Variants in GALNT16 observed in about 807,000 individuals in gnomAD.
The protein encoded by GALNT16 is polypeptide N-acetylgalactosaminyltransferase 16.
In GALNT16, 40 loss-of-function variants were observed where a neutral mutation model predicts 76.1. The observed-to-expected ratio is 0.53, with a 90% confidence interval of 0.41 to 0.68. The LOEUF (loss-of-function observed/expected upper bound fraction) is 0.68, where lower values mean the gene tolerates loss of function less well. GALNT16 is among the 30% of genes least tolerant of loss of function. The pLI is 0.00. For missense variants in GALNT16, 621 were observed against 731.9 expected (o/e 0.85, Z 1.75); for synonymous variants, 276 against 285.2 (o/e 0.97, Z 0.32).
chr14:69,304,287 CT>C (rs1486986465), intron 1 of GALNT16, among the ~76,000 whole-genome samples: 1 of 152,134 alleles, frequency 6.6e-6, no homozygotes, highest in Non-Finnish European at 1.5e-5. Flanking sequence ...TTTCTGCCCT[CT>C]TGACAGAGTT....
Position 69,333,435 on chromosome 14 carries a change from A to G in GALNT16, c.864-62A>G. On this transcript the variant is annotated intron_variant, in intron 8 of 14. Coordinates refer to ENST00000448469, the MANE Select transcript of GALNT16 (RefSeq NM_001168368.2). The surrounding 1 kb of genome is among the most constrained non-coding windows in gnomAD (Gnocchi z 4.2). ...GCAGACGGTCTTGGGTCCTGGGGCC[A>G]TCTAAAGGGCCTCCTTGCTTCTCCA... The G allele has an allele frequency of 9.7e-7, 1 of 1,027,306 alleles. No homozygotes were observed. The highest frequency in any genetic ancestry group is 1.3e-5 in the South Asian group (1 of 78,336). 63.6% of individuals were successfully genotyped at this position (1,027,306 alleles called of 1,614,324 possible).
At chr14:69,285,040 CTTTT>C (rs11401674) in intron 1 of GALNT16, among the ~76,000 whole-genome samples, 1 of 127,502 alleles carries the variant, frequency 7.8e-6, no homozygotes, top group Admixed American at 8.7e-5. Flanking sequence ...CTCGGGCACT[CTTTT>C]TTTTTTTTTT....
intron 1 of GALNT16, among the ~76,000 whole-genome samples, chr14:69,288,884 C>T (rs12434956): frequency 2.7e-5 from 4 of 149,358 alleles, no homozygotes; most frequent in Admixed American, 1.3e-4. Flanking sequence ...TAGAAGTCTT[C>T]TTTTTTTTTT....
chr14:69,337,438 T>C (rs1425696999), intron 9 of GALNT16, among the ~76,000 whole-genome samples: 1 of 152,222 alleles, frequency 6.6e-6, no homozygotes. Context: ...ATAATAACAA[T>C]AGTTAATAAT....
intron 9 of GALNT16, among the ~76,000 whole-genome samples, chr14:69,338,186 T>C (rs1211552404): frequency 6.6e-6 from 1 of 150,786 alleles, no homozygotes; most frequent in Non-Finnish European, 1.5e-5. Flanking sequence ...AAGAGGGAGG[T>C]TGGGGCCAGC....
intron 1 of GALNT16, among the ~76,000 whole-genome samples, chr14:69,272,096 C>T (rs1009881252): frequency 1.3e-5 from 2 of 152,142 alleles, no homozygotes; most frequent in African/African-American, 4.8e-5. Flanking sequence ...TGCTGTGGCT[C>T]GTGCCTGTAA....
chr14:69,313,749 T>C (rs189733527), intron 1 of GALNT16, among the ~76,000 whole-genome samples: 105 of 152,374 alleles, frequency 6.9e-4, no homozygotes, highest in Non-Finnish European at 1.2e-3. Flanking sequence ...CTCCCAGGCC[T>C]GTGGGACAGA....
intron 9 of GALNT16, among the ~76,000 whole-genome samples, chr14:69,334,301 C>T (rs548129628): frequency 2.0e-5 from 3 of 152,282 alleles, no homozygotes; most frequent in African/African-American, 4.8e-5. Context: ...TCTCAGCTCA[C>T]GGTGTTGGGG....
intron 1 of GALNT16, among the ~76,000 whole-genome samples, chr14:69,288,491 C>G (rs1413356006): frequency 6.6e-6 from 1 of 152,202 alleles, no homozygotes; most frequent in Non-Finnish European, 1.5e-5. Context: ...AGCGGCTCTC[C>G]CACCAGTAAC....
the GALNT16 span, among the ~76,000 whole-genome samples, chr14:69,379,431 CA>C: frequency 6.6e-6 from 1 of 151,626 alleles, no homozygotes; most frequent in South Asian, 2.1e-4. Context: ...CATAAAACAA[CA>C]AAAAAAATAG....
intron 12 of GALNT16, 57 bp from the exon 13 acceptor site, chr14:69,346,983 G>A (rs1594869609): frequency 3.7e-6 from 6 of 1,607,982 alleles, no homozygotes; most frequent in East Asian, 2.2e-5. Flanking sequence ...TCTGGCAGAG[G>A]GTGTAGGTAA....
chr14:69,381,494 C>T, the GALNT16 span, among the ~76,000 whole-genome samples: 1 of 151,632 alleles, frequency 6.6e-6, no homozygotes, highest in Non-Finnish European at 1.5e-5. Context: ...ACAGTAAGCT[C>T]CAAAATATCT....
chr14:69,261,426 C>T lies in GALNT16; in HGVS notation c.177+959C>T, dbSNP rs2044270518. 6.6e-6 allele frequency among the ~76,000 whole-genome samples: 1 copy of T among 152,084 alleles called. No homozygotes were observed. Among genetic ancestry groups the T allele is most frequent in the African/African-American group, 2.4e-5 (1 of 41,422 alleles). On this transcript the variant is annotated intron_variant, in intron 1 of 14. Coordinates refer to ENST00000448469, the MANE Select transcript of GALNT16 (RefSeq NM_001168368.2). This position sits in a 1 kb window ranked among gnomAD's most constrained non-coding sequence, Gnocchi z 6.4. ...GCTCGAGCGGGCGCATTCTTCCAGACGGGGGCGGTTGGTGGACGAGAGCCT... is the reference window on the plus strand; with the variant it reads ...GCTCGAGCGGGCGCATTCTTCCAGATGGGGGCGGTTGGTGGACGAGAGCCT...
chr14:69,265,027 T>C (rs756645734), intron 1 of GALNT16, among the ~76,000 whole-genome samples: 7 of 152,126 alleles, frequency 4.6e-5, no homozygotes, highest in Non-Finnish European at 1.0e-4. Context: ...GTTGTCCAGG[T>C]TGGTCTCAAA....
the GALNT16 span, among the ~76,000 whole-genome samples, chr14:69,376,067 C>T: frequency 6.6e-6 from 1 of 151,968 alleles, no homozygotes; most frequent in African/African-American, 2.4e-5. Context: ...GATACTGTCT[C>T]ACTCTGCTAT....
At chr14:69,292,937 T>C (rs2044706969) in intron 1 of GALNT16, among the ~76,000 whole-genome samples, 1 of 152,250 alleles carries the variant, frequency 6.6e-6, no homozygotes. Context: ...TAATGAACTG[T>C]AATGAGAAAT....
intron 1 of GALNT16, among the ~76,000 whole-genome samples, chr14:69,280,177 C>T (rs1163091521): frequency 1.3e-5 from 2 of 152,128 alleles, no homozygotes; most frequent in Non-Finnish European, 2.9e-5. Context: ...AAGTCTACGC[C>T]CATTAAACAC....
At chr14:69,322,923 G>A (rs1037616095) in intron 2 of GALNT16, among the ~76,000 whole-genome samples, 2 of 105,152 alleles carry the variant, frequency 1.9e-5, no homozygotes, top group Non-Finnish European at 4.0e-5. Context: ...GGTGGCTCAC[G>A]GGGTGTGTGT....
chr14:69,308,882 T>C (rs1400960846), intron 1 of GALNT16, among the ~76,000 whole-genome samples: 1 of 152,250 alleles, frequency 6.6e-6, no homozygotes, highest in African/African-American at 2.4e-5. Context: ...CACCAATGTA[T>C]AAAAGCTTCT....
Sources: gnomAD v4.1 joint callset for allele counts (sites outside exome capture counted in the v4.1 genomes callset) on GRCh38, gnomAD v4.1.1 for gene constraint, Gnocchi (gnomAD v3.1) non-coding constraint, MANE v1.5 for transcripts, NCBI Gene and HGNC (gene_info 2026-07-23, HGNC 2026-07-21) for gene names.